Variants in SCFD2 observed in about 807,000 individuals in gnomAD.
The protein encoded by SCFD2 is sec1 family domain-containing protein 2.
Under a neutral mutation model 58.9 loss-of-function variants are expected in SCFD2, and 54 were observed. The observed-to-expected ratio is 0.92, with a 90% CI of 0.74 to 1.15. SCFD2 has a LOEUF of 1.15. Ranked by LOEUF, SCFD2 falls within the 50% of genes most tolerant of loss-of-function variation. The probability of loss-of-function intolerance (pLI) is 0.00; values close to 1 mark genes in which losing one functional copy is unlikely to be tolerated. For missense variants in SCFD2, 805 were observed against 836.6 expected (o/e 0.96, Z 0.47); for synonymous variants, 321 against 335.9 (o/e 0.96, Z 0.49).
Position 53,031,310 on chromosome 4 carries a change from T to G in SCFD2, c.1562-110440A>C, listed in dbSNP as rs572894550. Among the ~76,000 whole-genome samples, 17 of 152,186 alleles carry G rather than the reference T, an allele frequency of 1.1e-4. No individual in the cohort carries two copies. The East Asian group carries it at 3.3e-3, about 29-fold the overall frequency. ...ATCCACAAAGATGGGGAGAAACCAG[T>G]GCAAAAAGGATGAAAATTCCAAAAA... On this transcript the variant is annotated intron_variant, in intron 5 of 8. Coordinates refer to ENST00000401642, the MANE Select transcript of SCFD2 (RefSeq NM_152540.4).
At chr4:52,876,102 C>A (rs371881653) in intron 8 of SCFD2, among the ~76,000 whole-genome samples, 1 of 151,420 alleles carries the variant, frequency 6.6e-6, no homozygotes, top group Non-Finnish European at 1.5e-5. Flanking sequence ...CAGGCGAGTG[C>A]CATCAGCAGA....
intron 5 of SCFD2, among the ~76,000 whole-genome samples, chr4:53,057,183 A>G (rs368384359): frequency 9.2e-5 from 14 of 152,134 alleles, no homozygotes; most frequent in Admixed American, 3.3e-4. Context: ...AGGAATATAA[A>G]TGATTCTACT....
At chr4:52,965,375 AC>A (rs996951306) in intron 5 of SCFD2, among the ~76,000 whole-genome samples, 1 of 152,012 alleles carries the variant, frequency 6.6e-6, no homozygotes, top group African/African-American at 2.4e-5. Flanking sequence ...TTCCTCTGGC[AC>A]CCCTAACCAA....
intron 5 of SCFD2, among the ~76,000 whole-genome samples, chr4:52,925,055 C>T (rs6844544): frequency 0.036 from 5,440 of 152,190 alleles, 358 homozygotes; most frequent in African/African-American, 0.12. Context: ...CTCATTTAAT[C>T]TCCACAGACA....
intron 4 of SCFD2, among the ~76,000 whole-genome samples, chr4:53,185,224 T>C (rs1727702249): frequency 6.6e-6 from 1 of 152,028 alleles, no homozygotes; most frequent in South Asian, 2.1e-4. Flanking sequence ...GCAACCATAA[T>C]CACAAAACAC....
intron 2 of SCFD2, among the ~76,000 whole-genome samples, chr4:53,322,455 TAAC>T (rs1733054420): frequency 6.6e-6 from 1 of 152,182 alleles, no homozygotes; most frequent in Non-Finnish European, 1.5e-5. Context: ...ACGGACTAGA[TAAC>T]AACGTATTAA....
chr4:53,116,809 G>A (rs1346670140), intron 5 of SCFD2, among the ~76,000 whole-genome samples: 1 of 152,210 alleles, frequency 6.6e-6, no homozygotes. Context: ...AGCTAGCACA[G>A]TAATTTGGGG....
intron 5 of SCFD2, among the ~76,000 whole-genome samples, chr4:52,981,673 G>T (rs1322135576): frequency 1.3e-5 from 2 of 152,080 alleles, no homozygotes; most frequent in Non-Finnish European, 2.9e-5. Flanking sequence ...TTTCAGGCAG[G>T]GGCAACACCA....
At chr4:53,072,575 A>G (rs1356840255) in intron 5 of SCFD2, among the ~76,000 whole-genome samples, 4 of 139,170 alleles carry the variant, frequency 2.9e-5, no homozygotes, top group Non-Finnish European at 6.7e-5. Context: ...ATAAAAGATT[A>G]GGGGGGGGAA....
chr4:53,268,267 G>A (rs1000628729), intron 4 of SCFD2, among the ~76,000 whole-genome samples: 3 of 152,104 alleles, frequency 2.0e-5, no homozygotes, highest in East Asian at 1.9e-4. Flanking sequence ...GGGCATCCAC[G>A]TGGAAGGTGG....
chr4:53,236,792 CTACT>C (rs1330076052), intron 4 of SCFD2, among the ~76,000 whole-genome samples: 1 of 149,612 alleles, frequency 6.7e-6, no homozygotes, highest in African/African-American at 2.4e-5. Flanking sequence ...TGATTTCTAA[CTACT>C]TAAAGTCACT....
intron 4 of SCFD2, among the ~76,000 whole-genome samples, chr4:53,192,883 C>T (rs1577825790): frequency 1.3e-5 from 2 of 152,008 alleles, no homozygotes; most frequent in South Asian, 4.2e-4. Context: ...ACAACAGCAT[C>T]TTATAAGAAT....
intron 2 of SCFD2, among the ~76,000 whole-genome samples, chr4:53,343,987 A>G (rs1733973091): frequency 6.6e-6 from 1 of 152,198 alleles, no homozygotes; most frequent in African/African-American, 2.4e-5. Flanking sequence ...CCCACAGCCA[A>G]TATCATACTG....
In SCFD2 at chr4:53,046,556, T is replaced by C. The variant is rs1164848134; in HGVS notation, c.1561+98777A>G. 3.3e-5 allele frequency among the ~76,000 whole-genome samples: 5 copies of C among 152,014 alleles called. No homozygotes were observed. The East Asian group carries it at 7.7e-4, about 23-fold the overall frequency. On this transcript the variant is annotated intron_variant, in intron 5 of 8. Coordinates refer to ENST00000401642, the MANE Select transcript of SCFD2 (RefSeq NM_152540.4). ...GAGCACAGATTTTTTTTTTTTGTGA[T>C]ATCCAGAAAATCATAAAGTAAGATA...
At chr4:53,012,836 G>GTGTT (rs1553914338) in intron 5 of SCFD2, among the ~76,000 whole-genome samples, 58 of 145,108 alleles carry the variant, frequency 4.0e-4, no homozygotes, top group South Asian at 1.8e-3. Context: ...GTGTGTGTGT[G>GTGTT]TTTTTTTTTA....
chr4:53,300,157 T>C (rs1047616394), intron 3 of SCFD2, among the ~76,000 whole-genome samples: 2 of 152,098 alleles, frequency 1.3e-5, no homozygotes, highest in African/African-American at 2.4e-5. Flanking sequence ...GACTGGCAAA[T>C]TGGATAAAGA....
At position 53,365,064 on chromosome 4, in the gene SCFD2, TG is replaced by T; in HGVS notation, c.838+39del. ...TGAATCAATGAAAGTCCCAGCAATG[TG>T]GGGAATGGTAATGAAGAACTCCAGA... On this transcript the variant is annotated intron_variant, in intron 1 of 8. Transcript: ENST00000401642. This position sits in a 1 kb window ranked among gnomAD's most constrained non-coding sequence, Gnocchi z 4.3. 6.3e-7 allele frequency: 1 copy of T among 1,575,766 alleles called. No homozygotes were observed. Among genetic ancestry groups the T allele is most frequent in the Non-Finnish European group, 8.6e-7 (1 of 1,163,304 alleles).
chr4:52,938,406 T>C lies in SCFD2; in HGVS notation c.1562-17536A>G, dbSNP rs187712481. Among the ~76,000 whole-genome samples, 489 of 152,240 alleles carry C rather than the reference T, an allele frequency of 3.2e-3. 4 individuals are homozygous for C. Among genetic ancestry groups the C allele is most frequent in the African/African-American group, 0.011 (475 of 41,538 alleles). On this transcript the variant is annotated intron_variant, in intron 5 of 8. Coordinates refer to ENST00000401642, the MANE Select transcript of SCFD2 (RefSeq NM_152540.4). ...TGCAGGAAATCAATAAACACTGAAA[T>C]GACTATGATAAAAAGTATAGTACAA...
At chr4:53,323,032 T>C (rs1460809973) in intron 2 of SCFD2, among the ~76,000 whole-genome samples, 2 of 152,220 alleles carry the variant, frequency 1.3e-5, no homozygotes, top group East Asian at 3.8e-4. Context: ...CATAATCTTA[T>C]ATGCAATGAT....
Sources: gnomAD v4.1 joint callset for allele counts (sites outside exome capture counted in the v4.1 genomes callset) on GRCh38, gnomAD v4.1.1 for gene constraint, Gnocchi (gnomAD v3.1) non-coding constraint, MANE v1.5 for transcripts, NCBI Gene and HGNC (gene_info 2026-07-23, HGNC 2026-07-21) for gene names.